Variants in CFAP47 observed in about 807,000 individuals in gnomAD.
The protein encoded by CFAP47 is cilia- and flagella-associated protein 47.
Under a neutral mutation model 148.1 loss-of-function variants are expected in CFAP47, and 29 were observed. The observed-to-expected ratio is 0.20, with a 90% CI of 0.15 to 0.27. The LOEUF (loss-of-function observed/expected upper bound fraction) is 0.27. Ranked by LOEUF, CFAP47 falls within the 10% of genes least tolerant of loss-of-function variation. The pLI, the probability that CFAP47 is intolerant of heterozygous loss-of-function variation, is 1.00. For synonymous variants in CFAP47, 664 were observed against 577.3 expected (o/e 1.15, Z -2.15); for missense variants, 1,872 against 1,697.5 (o/e 1.10, Z -1.81).
At chrX:36,268,194 G>GAGC (rs1940917857) in intron 49 of CFAP47, among the ~76,000 whole-genome samples, 1 of 113,673 alleles carries the variant, frequency 8.8e-6, no homozygotes, top group African/African-American at 3.2e-5. Context: ...GCATACAGCT[G>GAGC]CAGGTGTCCA....
At chrX:36,145,069 ATATATGCGTGTGTG>A (rs1431766449) in intron 35 of CFAP47, 136 bp from the exon 36 acceptor site, 2 of 363,871 alleles carry the variant, frequency 5.5e-6, no homozygotes, top group African/African-American at 8.5e-5. Flanking sequence ...GTTTATATAT[ATATATGCGTGTGTG>A]TGTGTGTGTG....
intron 62 of CFAP47, among the ~76,000 whole-genome samples, chrX:36,371,612 T>TATATGTGTAATATATGTGTATATACACAC (rs1941938020): frequency 1.1e-5 from 1 of 91,718 alleles, no homozygotes. Context: ...TATATGTGTA[T>TATATGTGTAATATATGTGTATATACACAC]ATATGTGTAA....
intron 46 of CFAP47, among the ~76,000 whole-genome samples, chrX:36,232,462 C>A (rs1555992934): frequency 1.8e-5 from 2 of 110,948 alleles, no homozygotes; most frequent in African/African-American, 3.3e-5. Flanking sequence ...TGGTGATATC[C>A]CCTTTATCAT....
chrX:36,046,028 C>G (rs1330157497), intron 25 of CFAP47, among the ~76,000 whole-genome samples: 1 of 111,183 alleles, frequency 9.0e-6, no homozygotes, highest in East Asian at 2.9e-4. Flanking sequence ...AAATTACTTT[C>G]CATGTTTTTA....
intron 15 of CFAP47, among the ~76,000 whole-genome samples, chrX:35,978,915 G>A (rs5973555): frequency 0.051 from 5,665 of 111,408 alleles, 403 homozygotes; most frequent in African/African-American, 0.17. Flanking sequence ...GGCATGATAG[G>A]TTTTGTGTTT....
At chrX:35,962,955 G>C (rs1265515699) in intron 8 of CFAP47, among the ~76,000 whole-genome samples, 8 of 108,358 alleles carry the variant, frequency 7.4e-5, no homozygotes, top group Middle Eastern at 4.7e-3. Flanking sequence ...GTGTGTGTGT[G>C]TGTGTGTGTG....
intron 48 of CFAP47, among the ~76,000 whole-genome samples, chrX:36,239,997 C>T (rs1234535835): frequency 4.5e-5 from 5 of 111,660 alleles, no homozygotes; most frequent in Admixed American, 1.9e-4. Flanking sequence ...TACTGCTGAC[C>T]GCTAAGCCAA....
chrX:36,290,592 G>A (rs1365811212), intron 51 of CFAP47, among the ~76,000 whole-genome samples: 3 of 112,068 alleles, frequency 2.7e-5, no homozygotes, highest in Non-Finnish European at 5.6e-5. Context: ...AGGAAACTTA[G>A]AGGGCATCCT....
At chrX:35,985,339 C>T (rs72628188) in intron 15 of CFAP47, among the ~76,000 whole-genome samples, 16,350 of 110,196 alleles carry the variant, frequency 0.15, 1,254 homozygotes, top group East Asian at 0.3. Context: ...GTGGGATGCA[C>T]TTGTACTAGC....
rs139574443 is a variant in CFAP47, at chrX:35,975,554, A to G, written c.2472-118A>G. On this transcript the variant is annotated intron_variant, in intron 14 of 63. Transcript: ENST00000378653. ...TCTAATTATCTTTCATAATTAAAGTATTACGTGCTAAGAATTGTGGATGTT... is the reference window on the plus strand; with the variant it reads ...TCTAATTATCTTTCATAATTAAAGTGTTACGTGCTAAGAATTGTGGATGTT... 2,034 of 772,426 alleles carry G rather than the reference A, an allele frequency of 2.6e-3. 27 individuals are homozygous for G. The African/African-American group carries it at 0.039, about 15-fold the overall frequency. 63.7% of individuals were successfully genotyped at this position (772,426 alleles called of 1,213,427 possible).
rs1309099723 is a variant in CFAP47, at chrX:36,001,766, C to T, written c.3417+59C>T. ...AGTTATGGGTATTCCGAACCAAAAA[C>T]CTATTAAAGATCACCCAAGATCTAT... On this transcript the variant is annotated intron_variant, in intron 21 of 63. Coordinates refer to ENST00000378653, the MANE Select transcript of CFAP47 (RefSeq NM_001304548.2). 30 of 274,851 alleles carry T rather than the reference C, an allele frequency of 1.1e-4. No homozygotes were observed. The East Asian group carries it at 1.5e-3, about 14-fold the overall frequency. The allele number at this position is 274,851 out of a possible 1,213,427, so 22.7% of individuals were successfully genotyped here.
At chrX:36,093,350 G>A (rs1472154685) in intron 30 of CFAP47, among the ~76,000 whole-genome samples, 2 of 111,394 alleles carry the variant, frequency 1.8e-5, no homozygotes, top group African/African-American at 6.5e-5. Context: ...CTCTGGAATG[G>A]TTGTACTAAT....
chrX:36,361,240 C>G, intron 60 of CFAP47, 90 bp from the exon 61 acceptor site: 1 of 479,265 alleles, frequency 2.1e-6, no homozygotes, highest in Admixed American at 4.2e-5. Context: ...TCTCTAAATA[C>G]CTGTGCATTG....
intron 55 of CFAP47, among the ~76,000 whole-genome samples, chrX:36,309,474 G>A (rs1569314466): frequency 9.0e-6 from 1 of 111,177 alleles, no homozygotes. Flanking sequence ...GAAAAATGTG[G>A]GCTGAATATA....
chrX:36,376,895 A>G (rs1942029006), intron 62 of CFAP47, among the ~76,000 whole-genome samples: 1 of 106,560 alleles, frequency 9.4e-6, no homozygotes, highest in African/African-American at 3.4e-5. Flanking sequence ...TGTCCTTCCA[A>G]TAGTTTGCTG....
intron 13 of CFAP47, among the ~76,000 whole-genome samples, chrX:35,974,012 G>A (rs1413654295): frequency 8.9e-6 from 1 of 112,209 alleles, no homozygotes; most frequent in Non-Finnish European, 1.9e-5. Context: ...AACAGACTGA[G>A]CCCCTGCTCT....
rs782108427 is a variant in CFAP47, at chrX:36,238,199, G to A, written c.7332+1340G>A. Among the ~76,000 whole-genome samples the A allele has an allele frequency of 2.7e-5, 3 of 110,957 alleles. No homozygotes were observed. The South Asian group carries it at 1.2e-3, about 43-fold the overall frequency. ...TGGTGGGAGGTAATTGAATCATGTGGGTGGATTTTTCCCATGCTGTTCTCG... is the reference window on the plus strand; with the variant it reads ...TGGTGGGAGGTAATTGAATCATGTGAGTGGATTTTTCCCATGCTGTTCTCG... On this transcript the variant is annotated intron_variant, in intron 48 of 63. Transcript: ENST00000378653.
chrX:36,040,731 A>C (rs1409079422), intron 25 of CFAP47, among the ~76,000 whole-genome samples: 1 of 111,858 alleles, frequency 8.9e-6, no homozygotes, highest in Non-Finnish European at 1.9e-5. Flanking sequence ...ACAAATAAAT[A>C]ATAATTAAAA....
chrX:36,139,813 C>T (rs1344124986), intron 35 of CFAP47, among the ~76,000 whole-genome samples: 2 of 111,661 alleles, frequency 1.8e-5, no homozygotes, highest in African/African-American at 6.5e-5. Context: ...TTTATAATTG[C>T]TCACTTTTTT....
Sources: gnomAD v4.1 joint callset for allele counts (sites outside exome capture counted in the v4.1 genomes callset) on GRCh38, gnomAD v4.1.1 for gene constraint, MANE v1.5 for transcripts, NCBI Gene and HGNC (gene_info 2026-07-23, HGNC 2026-07-21) for gene names.